The following GPA33 variants were observed in gnomAD, a reference collection of about 807,000 sequenced individuals.
GPA33 encodes glycoprotein A33, also known as cell surface A33 antigen.
A neutral mutation model predicts 35.6 loss-of-function variants in GPA33; 27 were observed. The ratio of observed to expected loss-of-function variants is 0.76; its 90% CI spans 0.56 to 1.04. GPA33 has a LOEUF of 1.04. Ranked by LOEUF, GPA33 falls within the 50% of genes least tolerant of loss-of-function variation. GPA33 has a pLI of 0.00. For missense variants in GPA33, 428 were observed against 411.9 expected, an observed-to-expected ratio of 1.04 and a Z score of -0.34; for synonymous variants, 176 against 164.0, an observed-to-expected ratio of 1.07 and a Z score of -0.56.
At chr1:167,077,925 G>T (rs1666855828) in intron 1 of GPA33, among the ~76,000 whole-genome samples, 1 of 152,164 alleles carries the variant, frequency 6.6e-6, no homozygotes, top group Admixed American at 6.5e-5. Context: ...GGTTCCAAAA[G>T]GTTAAACCCT....
At chr1:167,056,680 CTGGTGTGTGGTGGGTGTG>C (rs1666279497) in intron 4 of GPA33, among the ~76,000 whole-genome samples, 8 of 2,472 alleles carry the variant, frequency 3.2e-3, no homozygotes, top group African/African-American at 5.4e-3. Flanking sequence ...TGTGATGTGT[CTGGTGTGTGGTGGGTGTG>C]TGGTGTGTGT....
chr1:167,056,519 A>T (rs1380099729), intron 4 of GPA33, among the ~76,000 whole-genome samples: 1 of 55,070 alleles, frequency 1.8e-5, no homozygotes, highest in Non-Finnish European at 4.2e-5. Context: ...AGTGATGTGC[A>T]GCGTGTGTGT....
chr1:167,056,754 A>C (rs977982568), intron 4 of GPA33, among the ~76,000 whole-genome samples: 1 of 4,514 alleles, frequency 2.2e-4, no homozygotes, highest in African/African-American at 1.1e-3. Context: ...TGGTGTGTGT[A>C]TGGCGTGTGT....
At chr1:167,081,787 C>T (rs547486660) in intron 1 of GPA33, among the ~76,000 whole-genome samples, 36 of 152,222 alleles carry the variant, frequency 2.4e-4, no homozygotes, top group Non-Finnish European at 3.5e-4. Flanking sequence ...CAACAGATGG[C>T]AGGCTCCCTG....
At chr1:167,089,212 T>C (rs758256703) in intron 1 of GPA33, among the ~76,000 whole-genome samples, 6 of 152,088 alleles carry the variant, frequency 3.9e-5, no homozygotes, top group African/African-American at 9.7e-5. Context: ...GAGAAAAGCA[T>C]GTCTAGGGCC....
chr1:167,054,119 G>A lies in GPA33; in HGVS notation c.*215C>T. 1.7e-6 allele frequency: 1 copy of A among 598,490 alleles called. No homozygotes were observed. The highest frequency in any genetic ancestry group is 2.9e-6 in the Non-Finnish European group (1 of 343,358). 37.1% of individuals were successfully genotyped at this position (598,490 alleles called of 1,614,324 possible). A position where few individuals can be genotyped will look rare whatever the true frequency, so the allele number is the denominator to read the frequency against. ...CGCACCAGGTGTCACAGCCAGGAGGGGTTACTTCACAGGACAGTGAGGTCA... is the reference window on the plus strand; with the variant it reads ...CGCACCAGGTGTCACAGCCAGGAGGAGTTACTTCACAGGACAGTGAGGTCA... On this transcript the variant is annotated 3_prime_UTR_variant, in exon 7 of 7. Transcript: ENST00000367868.
chr1:167,077,159 T>C (rs1666839692), intron 1 of GPA33, among the ~76,000 whole-genome samples: 1 of 151,722 alleles, frequency 6.6e-6, no homozygotes, highest in South Asian at 2.1e-4. Flanking sequence ...TGAGCTGAGA[T>C]TGCACCACTG....
intron 1 of GPA33, among the ~76,000 whole-genome samples, chr1:167,074,795 G>A (rs1374830820): frequency 2.6e-5 from 4 of 151,368 alleles, no homozygotes; most frequent in Non-Finnish European, 5.9e-5. Context: ...GGGTGGGGGT[G>A]GTCTCAGATT....
chr1:167,060,591 G>C (rs1666418029), intron 4 of GPA33, among the ~76,000 whole-genome samples: 1 of 152,182 alleles, frequency 6.6e-6, no homozygotes, highest in African/African-American at 2.4e-5. Flanking sequence ...ACAAATTAAA[G>C]AAGCAATTCT....
intron 2 of GPA33, among the ~76,000 whole-genome samples, chr1:167,069,979 C>T (rs181382507): frequency 1.1e-4 from 16 of 152,264 alleles, no homozygotes; most frequent in Non-Finnish European, 1.8e-4. Flanking sequence ...GACAACCAAA[C>T]CTTGCAACAT....
intron 1 of GPA33, among the ~76,000 whole-genome samples, chr1:167,075,952 T>G (rs942380679): frequency 1.3e-5 from 2 of 152,002 alleles, no homozygotes; most frequent in Non-Finnish European, 1.5e-5. Flanking sequence ...AGAGAGATGG[T>G]CATTGGATGT....
intron 1 of GPA33, among the ~76,000 whole-genome samples, chr1:167,089,493 A>G (rs1667115614): frequency 1.3e-5 from 2 of 152,082 alleles, no homozygotes; most frequent in African/African-American, 4.8e-5. Context: ...TCTCCATTCT[A>G]TTTCCTTCCA....
At chr1:167,068,852 G>T in intron 3 of GPA33, 70 bp downstream of exon 3, 1 of 1,183,514 alleles carries the variant, frequency 8.4e-7, no homozygotes, top group African/African-American at 1.5e-5. Flanking sequence ...TCAACACCTG[G>T]GCTCTTCTCC....
intron 5 of GPA33, among the ~76,000 whole-genome samples, chr1:167,055,371 T>A (rs6678949): frequency 0.43 from 65,446 of 152,004 alleles, 14,518 homozygotes; most frequent in South Asian, 0.6. Context: ...CAGCCAGCTC[T>A]TTAAGCTAGA....
At chr1:167,067,095 TC>T (rs890099821) in intron 3 of GPA33, among the ~76,000 whole-genome samples, 1 of 152,178 alleles carries the variant, frequency 6.6e-6, no homozygotes, top group African/African-American at 2.4e-5. Context: ...ACTTGTTTCT[TC>T]GAGTGCATTA....
chr1:167,056,720 AGT>A (rs1242952856), intron 4 of GPA33, among the ~76,000 whole-genome samples: 183 of 3,772 alleles, frequency 0.049, no homozygotes, highest in African/African-American at 0.059. Flanking sequence ...GTGTGTGTGT[AGT>A]GTGTGATGTA....
intron 4 of GPA33, among the ~76,000 whole-genome samples, chr1:167,062,889 T>G (rs1189597212): frequency 6.6e-6 from 1 of 152,018 alleles, no homozygotes; most frequent in East Asian, 1.9e-4. Context: ...GAAAGTTAAA[T>G]TCCCCACCTT....
intron 1 of GPA33, among the ~76,000 whole-genome samples, chr1:167,085,376 A>T (rs545518774): frequency 6.6e-6 from 1 of 152,356 alleles, no homozygotes; most frequent in Admixed American, 6.5e-5. Flanking sequence ...AAACACTGCC[A>T]GGATTACAAG....
rs114799928 is a variant in GPA33 at position 167,059,834 on chromosome 1, G to A, written c.571+3748C>T. ...TGACTCACAGCTCCAAAGTGGAGAA[G>A]TCAGGACTTCTTGTTTCCTGATTCT... is the stretch of plus-strand genomic sequence containing the variant. On this transcript the variant is annotated intron_variant, in intron 4 of 6. Coordinates refer to ENST00000367868, the MANE Select transcript of GPA33 (RefSeq NM_005814.3). Among the ~76,000 whole-genome samples the A allele has an allele frequency of 4.3e-3, 657 of 152,274 alleles. 4 individuals are homozygous for A. The highest frequency in any genetic ancestry group is 0.015 in the African/African-American group (638 of 41,550).
Sources: allele counts gnomAD v4.1 joint callset (sites outside exome capture counted in the v4.1 genomes callset), GRCh38; gene constraint gnomAD v4.1.1; transcripts MANE v1.5; gene names NCBI Gene and HGNC (gene_info 2026-07-23, HGNC 2026-07-21).